CDH4: variants seen among roughly 807,000 people sequenced by gnomAD.
CDH4 encodes cadherin-4.
Under a neutral mutation model 86.0 loss-of-function variants are expected in CDH4, and 33 were observed. That is an observed-to-expected ratio of 0.38 (90% CI 0.29 to 0.51). The LOEUF (loss-of-function observed/expected upper bound fraction) is 0.51, where lower values mean the gene tolerates loss of function less well. Ranked by LOEUF, CDH4 falls within the 20% of genes least tolerant of loss-of-function variation. The probability of loss-of-function intolerance (pLI) is 0.86; values close to 1 mark genes in which losing one functional copy is unlikely to be tolerated. For synonymous variants in CDH4, 555 were observed against 549.4 expected (o/e 1.01, Z -0.14); for missense variants, 1,114 against 1,307.4 (o/e 0.85, Z 2.28).
chr20:61,826,778 C>T (rs1250511284), intron 4 of CDH4, among the ~76,000 whole-genome samples: 1 of 152,194 alleles, frequency 6.6e-6, no homozygotes, highest in East Asian at 1.9e-4. Context: ...AGGCTGCCCA[C>T]CTTGCTCACC....
At chr20:61,259,999 G>T (rs896591328) in intron 2 of CDH4, among the ~76,000 whole-genome samples, 2 of 152,196 alleles carry the variant, frequency 1.3e-5, no homozygotes, top group Non-Finnish European at 2.9e-5. Flanking sequence ...GTCCCAGAAG[G>T]CATCCTCAAA....
At chr20:61,728,900 T>A (rs183200888) in intron 2 of CDH4, among the ~76,000 whole-genome samples, 1 of 152,206 alleles carries the variant, frequency 6.6e-6, no homozygotes, top group Non-Finnish European at 1.5e-5. Flanking sequence ...GGCCACCCCC[T>A]CCAGGTTCCC....
At chr20:61,865,642 T>C (rs956731403) in intron 6 of CDH4, among the ~76,000 whole-genome samples, 2 of 151,872 alleles carry the variant, frequency 1.3e-5, no homozygotes, top group African/African-American at 2.4e-5. Context: ...TTAGTGTAGA[T>C]GATACCTGGC....
chr20:61,420,033 G>A (rs1218517050), intron 2 of CDH4, among the ~76,000 whole-genome samples: 4 of 152,216 alleles, frequency 2.6e-5, no homozygotes, highest in Non-Finnish European at 5.9e-5. Context: ...CCTCTTAGTG[G>A]GAGTTGTACC....
intron 2 of CDH4, among the ~76,000 whole-genome samples, chr20:61,496,704 A>G (rs2085665382): frequency 6.6e-6 from 1 of 152,350 alleles, no homozygotes; most frequent in South Asian, 2.1e-4. Context: ...ACATCATTCT[A>G]GAAAGTTCTC....
intron 3 of CDH4, among the ~76,000 whole-genome samples, chr20:61,769,097 C>T (rs1355262539): frequency 6.6e-6 from 1 of 152,168 alleles, no homozygotes; most frequent in Non-Finnish European, 1.5e-5. Flanking sequence ...AGAGGCTCCC[C>T]TCGCCCTCAT....
At chr20:61,430,179 C>T (rs992687590) in intron 2 of CDH4, among the ~76,000 whole-genome samples, 4 of 152,224 alleles carry the variant, frequency 2.6e-5, no homozygotes, top group African/African-American at 9.6e-5. Context: ...ATCTCTCTTG[C>T]AACAACAGTC....
intron 3 of CDH4, among the ~76,000 whole-genome samples, chr20:61,764,674 G>A (rs1009699545): frequency 6.6e-6 from 1 of 152,212 alleles, no homozygotes; most frequent in Non-Finnish European, 1.5e-5. Flanking sequence ...CGCCCCATCA[G>A]TGGCAGTTTT....
chr20:61,258,337 A>AAAAAAAAG lies in CDH4; in HGVS notation c.169+3407_169+3408insGAAAAAAA, dbSNP rs1555830528. 3.9e-3 allele frequency among the ~76,000 whole-genome samples: 567 copies of AAAAAAAAG among 146,420 alleles called. 12 individuals carry two copies. Among genetic ancestry groups the AAAAAAAAG allele is most frequent in the African/African-American group, 0.014 (523 of 38,550 alleles). ...AGAACGAGACTCCGTCTCAAAAAAAAAAAAAAAAGAAAAAAAAAAAAGAAA... is the reference window on the plus strand; with the variant it reads ...AGAACGAGACTCCGTCTCAAAAAAAAAAAAAAAGAAAAAAAAGAAAAAAAAAAAAGAAA... On this transcript the variant is annotated intron_variant, in intron 2 of 15. Coordinates refer to ENST00000614565, the MANE Select transcript of CDH4 (RefSeq NM_001794.5).
chr20:61,304,531 T>C (rs760114417), intron 2 of CDH4, among the ~76,000 whole-genome samples: 16 of 151,834 alleles, frequency 1.1e-4, no homozygotes, highest in Non-Finnish European at 2.2e-4. Context: ...GTGTTGTATA[T>C]GGTGCATATG....
intron 4 of CDH4, among the ~76,000 whole-genome samples, chr20:61,790,250 TCATCCATTCATCTCTCTATC>T (rs1256323727): frequency 1.5e-5 from 2 of 130,872 alleles, no homozygotes; most frequent in Admixed American, 7.4e-5. Flanking sequence ...ATCTCTCCAT[TCATCCATTCATCTCTCTATC>T]CATTCATTCA....
At chr20:61,348,089 G>A (rs2084689997) in intron 2 of CDH4, among the ~76,000 whole-genome samples, 1 of 152,216 alleles carries the variant, frequency 6.6e-6, no homozygotes, top group South Asian at 2.1e-4. Context: ...TACATTTGGA[G>A]AGAGTAGGTA....
chr20:61,793,184 T>C (rs1175046408), intron 4 of CDH4, among the ~76,000 whole-genome samples: 2 of 151,176 alleles, frequency 1.3e-5, no homozygotes, highest in African/African-American at 4.9e-5. Flanking sequence ...AGGCTGGTCC[T>C]GAACTCCTGG....
chr20:61,542,449 AGT>A (rs1600742436), intron 2 of CDH4, among the ~76,000 whole-genome samples: 4 of 152,296 alleles, frequency 2.6e-5, no homozygotes, highest in South Asian at 4.1e-4. Flanking sequence ...TGATCTGAGG[AGT>A]GAGGTTATTT....
chr20:61,372,623 C>T (rs1036591406), intron 2 of CDH4, among the ~76,000 whole-genome samples: 1 of 152,208 alleles, frequency 6.6e-6, no homozygotes, highest in Non-Finnish European at 1.5e-5. Flanking sequence ...CTGCAAAGAT[C>T]TTGGTCCCCC....
chr20:61,567,191 C>T (rs761636148), intron 2 of CDH4, among the ~76,000 whole-genome samples: 2 of 152,218 alleles, frequency 1.3e-5, no homozygotes. Context: ...TGACAGCACG[C>T]AGCTGGGCAC....
chr20:61,821,826 C>G (rs1981060129), intron 4 of CDH4, among the ~76,000 whole-genome samples: 1 of 152,256 alleles, frequency 6.6e-6, no homozygotes, highest in African/African-American at 2.4e-5. Context: ...GTACCATGTA[C>G]CCGAGAGAGA....
At chr20:61,668,656 G>T (rs1222510702) in intron 2 of CDH4, among the ~76,000 whole-genome samples, 1 of 152,190 alleles carries the variant, frequency 6.6e-6, no homozygotes. Context: ...AGGTGAAATG[G>T]CACACCCAAG....
chr20:61,626,395 T>G (rs1382165022), intron 2 of CDH4, among the ~76,000 whole-genome samples: 2 of 151,756 alleles, frequency 1.3e-5, no homozygotes, highest in Non-Finnish European at 2.9e-5. Flanking sequence ...GTGGGGGCAT[T>G]ACTTTGGGCT....
Sources: allele counts gnomAD v4.1 joint callset (sites outside exome capture counted in the v4.1 genomes callset), GRCh38; gene constraint gnomAD v4.1.1; transcripts MANE v1.5; gene names NCBI Gene and HGNC (gene_info 2026-07-23, HGNC 2026-07-21).